STIM1: variants seen among roughly 807,000 people sequenced by gnomAD.
STIM1 encodes stromal interaction molecule 1.
Under a neutral mutation model 74.7 loss-of-function variants are expected in STIM1, and 25 were observed. That is an observed-to-expected ratio of 0.33 (90% CI 0.24 to 0.47). The LOEUF is 0.47. Among genes scored for constraint, STIM1 ranks in the 20% least tolerant of loss-of-function variants. The pLI is 1.00. For synonymous variants in STIM1, 328 were observed against 348.8 expected, an observed-to-expected ratio of 0.94 and a Z score of 0.66; for missense variants, 728 against 920.8, an observed-to-expected ratio of 0.79 and a Z score of 2.71.
intron 12 of STIM1, 62 bp from the exon 13 acceptor site, chr11:4,091,220 C>T: frequency 6.2e-7 from 1 of 1,610,326 alleles, no homozygotes; most frequent in South Asian, 1.1e-5. Flanking sequence ...TCCTCTTCGC[C>T]TTTCCCCTAT....
chr11:4,086,351 C>G (rs959242179), intron 11 of STIM1, 126 bp from the exon 12 acceptor site: 2 of 1,072,260 alleles, frequency 1.9e-6, no homozygotes, highest in African/African-American at 1.6e-5. Flanking sequence ...AGGAGGTGCC[C>G]CATTCTCCAG....
intron 3 of STIM1, among the ~76,000 whole-genome samples, chr11:4,029,024 A>G (rs1399258908): frequency 6.6e-6 from 1 of 152,048 alleles, no homozygotes; most frequent in Admixed American, 6.6e-5. Context: ...CATCTCTACT[A>G]AAAATACAAA....
chr11:3,964,032 G>A (rs1485079375), intron 1 of STIM1, among the ~76,000 whole-genome samples: 1 of 152,192 alleles, frequency 6.6e-6, no homozygotes, highest in Non-Finnish European at 1.5e-5. Flanking sequence ...TTTAACAAAT[G>A]TGATTTTATT....
intron 1 of STIM1, among the ~76,000 whole-genome samples, chr11:3,926,116 T>C (rs114366049): frequency 1.3e-5 from 2 of 152,224 alleles, no homozygotes; most frequent in African/African-American, 4.8e-5. Flanking sequence ...GGGGTTGTTT[T>C]TCATATTCAT....
chr11:4,065,782 A>G (rs2094361658), intron 5 of STIM1, among the ~76,000 whole-genome samples: 1 of 152,218 alleles, frequency 6.6e-6, no homozygotes, highest in African/African-American at 2.4e-5. Flanking sequence ...AGGGGGGCCC[A>G]TGAGTAGCTC....
chr11:4,062,905 C>T (rs2133123476), intron 5 of STIM1, among the ~76,000 whole-genome samples: 1 of 152,028 alleles, frequency 6.6e-6, no homozygotes, highest in East Asian at 1.9e-4. Flanking sequence ...TATATACATA[C>T]AATAGAATAT....
intron 1 of STIM1, among the ~76,000 whole-genome samples, chr11:3,918,637 A>G (rs1168052966): frequency 2.0e-5 from 3 of 152,120 alleles, no homozygotes; most frequent in African/African-American, 4.8e-5. Context: ...CTTGGGTCCT[A>G]TGCCCATCCT....
intron 10 of STIM1, 107 bp from the exon 11 acceptor site, chr11:4,084,566 A>G: frequency 1.1e-6 from 1 of 873,284 alleles, no homozygotes; most frequent in Non-Finnish European, 1.6e-6. Context: ...ATTAGCTCTG[A>G]GCTACCCAAT....
intron 1 of STIM1, among the ~76,000 whole-genome samples, chr11:3,887,126 G>A (rs989674781): frequency 6.6e-6 from 1 of 152,150 alleles, no homozygotes; most frequent in Admixed American, 6.6e-5. Flanking sequence ...GTCAGAGGAG[G>A]TAGAGGGCTG....
chr11:4,043,496 T>C (rs1219994276), intron 3 of STIM1, among the ~76,000 whole-genome samples: 1 of 152,192 alleles, frequency 6.6e-6, no homozygotes, highest in African/African-American at 2.4e-5. Context: ...ACTGATGGGA[T>C]GGACAACAAG....
intron 1 of STIM1, among the ~76,000 whole-genome samples, chr11:3,954,978 A>G (rs2093193795): frequency 6.6e-6 from 1 of 152,262 alleles, no homozygotes; most frequent in African/African-American, 2.4e-5. Flanking sequence ...TTTGTAAAAT[A>G]GCCAAAAACT....
chr11:3,859,227 C>T (rs1286400406), intron 1 of STIM1, among the ~76,000 whole-genome samples: 1 of 152,166 alleles, frequency 6.6e-6, no homozygotes, highest in Non-Finnish European at 1.5e-5. Flanking sequence ...ATACAATAAA[C>T]ACTATGAAAG....
intron 3 of STIM1, chr11:4,049,715 A>ACAC (rs2094223353): frequency 3.9e-5 from 4 of 101,416 alleles, no homozygotes; most frequent in Non-Finnish European, 4.2e-5. Flanking sequence ...CCCCTGCCCA[A>ACAC]ACACACACAC....
intron 1 of STIM1, among the ~76,000 whole-genome samples, chr11:3,901,050 G>A (rs1459649502): frequency 2.0e-5 from 3 of 152,194 alleles, no homozygotes; most frequent in Non-Finnish European, 2.9e-5. Flanking sequence ...AATTAGCCGG[G>A]CATGGTGGTG....
intron 2 of STIM1, among the ~76,000 whole-genome samples, chr11:3,981,053 A>G (rs2093499621): frequency 6.6e-6 from 1 of 152,128 alleles, no homozygotes; most frequent in Non-Finnish European, 1.5e-5. Context: ...GCTGGAGTGC[A>G]GTGGTGTGAT....
At chr11:4,001,312 A>C (rs2093714075) in intron 2 of STIM1, among the ~76,000 whole-genome samples, 1 of 151,766 alleles carries the variant, frequency 6.6e-6, no homozygotes, top group African/African-American at 2.4e-5. Context: ...AAATGAAGGA[A>C]AAAATGTTCA....
intron 12 of STIM1, 21 bp from the exon 13 acceptor site, chr11:4,091,261 T>C: frequency 6.2e-7 from 1 of 1,614,070 alleles, no homozygotes; most frequent in South Asian, 1.1e-5. Flanking sequence ...CCTTTCTTCC[T>C]CTCTGCCCCA....
intron 1 of STIM1, among the ~76,000 whole-genome samples, chr11:3,898,560 T>C: frequency 6.9e-6 from 1 of 144,900 alleles, no homozygotes; most frequent in Non-Finnish European, 1.5e-5. Flanking sequence ...TTGCCATTGC[T>C]TTTGGTGTTT....
chr11:3,973,471 C>T, intron 2 of STIM1: 1 of 261,966 alleles, frequency 3.8e-6, no homozygotes, highest in Non-Finnish European at 7.4e-6. Context: ...GTGAACACAG[C>T]TCACTGCAGC....
Sources: gnomAD v4.1 joint callset for allele counts (sites outside exome capture counted in the v4.1 genomes callset) on GRCh38, gnomAD v4.1.1 for gene constraint, MANE v1.5 for transcripts, NCBI Gene and HGNC (gene_info 2026-07-23, HGNC 2026-07-21) for gene names.